The following NTM variants were observed in gnomAD, a reference collection of about 807,000 sequenced individuals.
The protein encoded by NTM is neurotrimin.
Under a neutral mutation model 42.1 loss-of-function variants are expected in NTM, and 13 were observed. That is an observed-to-expected ratio of 0.31 (90% CI 0.20 to 0.49). The LOEUF (loss-of-function observed/expected upper bound fraction) is 0.49. Among genes scored for constraint, NTM ranks in the 20% least tolerant of loss-of-function variants. The pLI is 0.99. For missense variants in NTM, 373 were observed against 452.8 expected, an observed-to-expected ratio of 0.82 and a Z score of 1.60; for synonymous variants, 187 against 179.2, an observed-to-expected ratio of 1.04 and a Z score of -0.35.
chr11:132,290,627 A>G (rs2094425331), intron 4 of NTM, among the ~76,000 whole-genome samples: 1 of 152,244 alleles, frequency 6.6e-6, no homozygotes, highest in Admixed American at 6.5e-5. Flanking sequence ...TATATTGTGT[A>G]TAACTATATG....
intron 1 of NTM, among the ~76,000 whole-genome samples, chr11:131,869,938 C>G (rs961861582): frequency 6.6e-6 from 1 of 152,168 alleles, no homozygotes; most frequent in Admixed American, 6.5e-5. Context: ...GATCACAGAC[C>G]ATGTGCTATG....
At chr11:132,019,610 C>G (rs911532930) in intron 2 of NTM, among the ~76,000 whole-genome samples, 43 of 151,828 alleles carry the variant, frequency 2.8e-4, no homozygotes, top group African/African-American at 1.0e-3. Context: ...TTATTTTTTT[C>G]TGGTATTAAA....
chr11:131,795,950 A>G, intron 1 of NTM: 1 of 981,588 alleles, frequency 1.0e-6, no homozygotes, highest in Non-Finnish European at 1.2e-6. Context: ...GGAAGTGGTT[A>G]GGATATTCCA....
chr11:131,405,688 A>G (rs770960349), intron 1 of NTM, among the ~76,000 whole-genome samples: 1 of 152,042 alleles, frequency 6.6e-6, no homozygotes, highest in Non-Finnish European at 1.5e-5. Flanking sequence ...TAACCTACAT[A>G]CTTTCCAAGC....
At chr11:132,182,653 T>G (rs2138074720) in intron 3 of NTM, among the ~76,000 whole-genome samples, 1 of 152,346 alleles carries the variant, frequency 6.6e-6, no homozygotes, top group South Asian at 2.1e-4. Context: ...TAGCTATCTC[T>G]AATACGTACT....
intron 4 of NTM, among the ~76,000 whole-genome samples, chr11:132,299,689 T>C (rs750792073): frequency 6.6e-6 from 1 of 152,176 alleles, no homozygotes; most frequent in Non-Finnish European, 1.5e-5. Context: ...CTGTCCCATT[T>C]CCCAGAGTTG....
chr11:131,438,333 G>T (rs555290701), intron 1 of NTM, among the ~76,000 whole-genome samples: 1 of 152,086 alleles, frequency 6.6e-6, no homozygotes, highest in African/African-American at 2.4e-5. Context: ...GGCCTGCCTT[G>T]CTAGGTTGGG....
intron 2 of NTM, among the ~76,000 whole-genome samples, chr11:132,098,516 G>T (rs565237644): frequency 6.6e-6 from 1 of 152,184 alleles, no homozygotes; most frequent in South Asian, 2.1e-4. Context: ...CTTGAATGAC[G>T]AGACTAATGC....
At chr11:132,209,128 T>A (rs2138618224) in intron 3 of NTM, among the ~76,000 whole-genome samples, 1 of 152,332 alleles carries the variant, frequency 6.6e-6, no homozygotes, top group African/African-American at 2.4e-5. Flanking sequence ...TTTGCAATGA[T>A]CAATTTAAAT....
intron 1 of NTM, among the ~76,000 whole-genome samples, chr11:131,486,840 T>C (rs1294731361): frequency 6.6e-6 from 1 of 152,216 alleles, no homozygotes; most frequent in East Asian, 1.9e-4. Flanking sequence ...AAGATTCTTT[T>C]TCCTGCCATC....
rs565670524 is a variant in NTM at position 131,947,510 on chromosome 11, A to T, written c.167+35862A>T. ...AACCAGGCACATAGAAACACTCAGA[A>T]AGTGGTTGGTGTAAGAAGGAAGAAA... On this transcript the variant is annotated intron_variant, in intron 2 of 8. Coordinates refer to ENST00000683400, the MANE Select transcript of NTM (RefSeq NM_001352005.2). Among the ~76,000 whole-genome samples the T allele has an allele frequency of 2.0e-5, 3 of 152,266 alleles. No homozygotes were observed. The East Asian group carries it at 5.8e-4, about 29-fold the overall frequency.
At chr11:131,393,716 TC>T (rs1179285359) in intron 1 of NTM, among the ~76,000 whole-genome samples, 1 of 152,216 alleles carries the variant, frequency 6.6e-6, no homozygotes, top group Non-Finnish European at 1.5e-5. Context: ...CTTCCCTCTT[TC>T]CCCACCAATC....
At chr11:131,492,017 T>C (rs1034006723) in intron 1 of NTM, among the ~76,000 whole-genome samples, 17 of 152,226 alleles carry the variant, frequency 1.1e-4, no homozygotes, top group African/African-American at 4.1e-4. Context: ...GCCATATCCA[T>C]TTTGGAAATG....
At chr11:132,299,396 G>T (rs955648921) in intron 4 of NTM, among the ~76,000 whole-genome samples, 6 of 152,184 alleles carry the variant, frequency 3.9e-5, no homozygotes, top group Non-Finnish European at 7.3e-5. Flanking sequence ...AAGGGAACAT[G>T]GTGCAAAAGA....
At chr11:132,082,061 TA>T (rs11358651) in intron 2 of NTM, among the ~76,000 whole-genome samples, 41,202 of 143,668 alleles carry the variant, frequency 0.29, 6,280 homozygotes, top group African/African-American at 0.42. Context: ...AATTAAAAGA[TA>T]AAAAAAAAAA....
intron 4 of NTM, among the ~76,000 whole-genome samples, chr11:132,242,531 A>G (rs1013774617): frequency 7.2e-5 from 11 of 152,224 alleles, no homozygotes; most frequent in Non-Finnish European, 1.3e-4. Context: ...CTGGTTATCA[A>G]AAGAGCAAAG....
chr11:132,242,428 TGGTG>T (rs2090369313), intron 4 of NTM, among the ~76,000 whole-genome samples: 1 of 152,068 alleles, frequency 6.6e-6, no homozygotes, highest in East Asian at 1.9e-4. Context: ...GTTAAAAAAA[TGGTG>T]GGTGGGGACA....
chr11:131,636,015 T>C (rs2064323105), intron 1 of NTM, among the ~76,000 whole-genome samples: 3 of 152,226 alleles, frequency 2.0e-5, no homozygotes, highest in Admixed American at 2.0e-4. Context: ...TCGAGGTTCG[T>C]GTAAGTGCTC....
chr11:131,434,582 A>G (rs1002305078), intron 1 of NTM, among the ~76,000 whole-genome samples: 2 of 152,096 alleles, frequency 1.3e-5, no homozygotes, highest in Non-Finnish European at 2.9e-5. Context: ...CTGCATAAAT[A>G]TCTTCTTTTG....
Sources: gnomAD v4.1 joint callset for allele counts (sites outside exome capture counted in the v4.1 genomes callset) on GRCh38, gnomAD v4.1.1 for gene constraint, MANE v1.5 for transcripts, NCBI Gene and HGNC (gene_info 2026-07-23, HGNC 2026-07-21) for gene names.